The following ZNF710 variants were observed in gnomAD, a reference collection of about 807,000 sequenced individuals.
ZNF710 encodes the protein zinc finger protein 710.
A neutral mutation model predicts 50.6 loss-of-function variants in ZNF710; 13 were observed. The ratio of observed to expected loss-of-function variants is 0.26; its 90% CI spans 0.17 to 0.41. The LOEUF (loss-of-function observed/expected upper bound fraction) is 0.41, where lower values mean the gene tolerates loss of function less well. ZNF710 is among the 10% of genes least tolerant of loss of function. The pLI, the probability that ZNF710 is intolerant of heterozygous loss-of-function variation, is 1.00. For missense variants in ZNF710, 721 were observed against 936.6 expected, an observed-to-expected ratio of 0.77 and a Z score of 3.01; for synonymous variants, 383 against 397.0, an observed-to-expected ratio of 0.96 and a Z score of 0.42.
Position 90,079,869 on chromosome 15 carries a change from G to T in ZNF710, c.*40G>T, listed in dbSNP as rs1445131264. Reference sequence around the variant, plus strand: ...CCCCTAACGGGGGCCGGGGGCGAGGGCATGGGGGTGAGACCCATGGGCTGC... The same window carrying T: ...CCCCTAACGGGGGCCGGGGGCGAGGTCATGGGGGTGAGACCCATGGGCTGC... On this transcript the variant is annotated 3_prime_UTR_variant, in exon 5 of 5. Coordinates refer to ENST00000268154, the MANE Select transcript of ZNF710 (RefSeq NM_198526.4). 1.3e-6 allele frequency: 2 copies of T among 1,552,080 alleles called. No individual in the cohort carries two copies. The highest frequency in any genetic ancestry group is 2.5e-5 in the South Asian group (2 of 81,244).
chr15:90,076,696 G>C (rs1325114961), intron 4 of ZNF710: 1 of 148,936 alleles, frequency 6.7e-6, no homozygotes, highest in Non-Finnish European at 1.5e-5. Context: ...AGCCGAGATT[G>C]TGTCACTGCA....
At position 90,071,261 on chromosome 15, in the gene ZNF710, T is replaced by TA. The variant is rs5814409; in HGVS notation, c.1459-1794dup. On this transcript the variant is annotated intron_variant, in intron 2 of 4. Coordinates refer to ENST00000268154, the MANE Select transcript of ZNF710 (RefSeq NM_198526.4). ...GGGCAACAAAAGCAAGACTCTGTCT[T>TA]AAAAAAAAAAAAAAAATCCCAAGTC... Among the ~76,000 whole-genome samples, 147 of 142,234 alleles carry TA rather than the reference T, an allele frequency of 1.0e-3. 1 individual carries two copies. Among genetic ancestry groups the TA allele is most frequent in the South Asian group, 4.7e-3 (21 of 4,478 alleles). The allele number at this position is 142,234 out of a possible 152,430, so 93.3% of individuals were successfully genotyped here.
intron 1 of ZNF710, among the ~76,000 whole-genome samples, chr15:90,066,474 A>ATTT (rs71461840): frequency 0.18 from 21,619 of 120,166 alleles, 2,237 homozygotes; most frequent in East Asian, 0.4. Flanking sequence ...ATTTTTAAGG[A>ATTT]TTTTTTTTTT....
chr15:90,030,309 A>G (rs1258784886), intron 1 of ZNF710, among the ~76,000 whole-genome samples: 1 of 140,986 alleles, frequency 7.1e-6, no homozygotes, highest in Non-Finnish European at 1.5e-5. Context: ...GGCCTGGGCA[A>G]CAAGAGCAAA....
At chr15:90,072,615 G>C (rs1900427492) in intron 2 of ZNF710, among the ~76,000 whole-genome samples, 2 of 152,094 alleles carry the variant, frequency 1.3e-5, no homozygotes, top group African/African-American at 4.8e-5. Flanking sequence ...ACGTGTCCTT[G>C]ATCTGATGAA....
intron 1 of ZNF710, among the ~76,000 whole-genome samples, chr15:90,020,224 T>C (rs1266240721): frequency 6.6e-6 from 1 of 152,228 alleles, no homozygotes; most frequent in African/African-American, 2.4e-5. Flanking sequence ...GCATTCTTCA[T>C]GGGGCCTCTG....
Position 90,034,948 on chromosome 15 carries a change from C to T in ZNF710, c.-28-32162C>T, listed in dbSNP as rs995730185. Reference sequence around the variant, plus strand: ...GAGAAAGAGGCTTGATGGCCGGAGCCCCAGGGCTTCCCTGCTGGTAGAAGG... The same window carrying T: ...GAGAAAGAGGCTTGATGGCCGGAGCTCCAGGGCTTCCCTGCTGGTAGAAGG... On this transcript the variant is annotated intron_variant, in intron 1 of 4. Coordinates refer to ENST00000268154, the MANE Select transcript of ZNF710 (RefSeq NM_198526.4). This position sits in a 1 kb window ranked among gnomAD's most constrained non-coding sequence, Gnocchi z 4.0. Among the ~76,000 whole-genome samples the T allele has an allele frequency of 6.6e-6, 1 of 152,186 alleles. No individual in the cohort carries two copies. Among genetic ancestry groups the T allele is most frequent in the Admixed American group, 6.5e-5 (1 of 15,272 alleles).
chr15:90,055,158 ATT>A (rs779881962), intron 1 of ZNF710, among the ~76,000 whole-genome samples: 3 of 152,210 alleles, frequency 2.0e-5, no homozygotes, highest in Non-Finnish European at 4.4e-5. Context: ...TTAACAAATC[ATT>A]TAAAGTTACA....
Position 90,074,285 on chromosome 15 carries a change from G to A in ZNF710, c.1820G>A (p.Ser607Asn). ...GGCGTCATGGACATCGGCCTGGACA[G>A]CCAAGGTGGGTGGGCCAAGCGCAAT... is the stretch of plus-strand genomic sequence containing the variant. Reference protein sequence around the residue: ...KHGVMDIGLDSQDPMMELTGT... With the variant: ...KHGVMDIGLDNQDPMMELTGT... The change falls in exon 4 of 5, where the codon AGC becomes AAC. Residue 607 changes from serine (S) to asparagine (N), a missense_variant. Coordinates refer to ENST00000268154, the MANE Select transcript of ZNF710 (RefSeq NM_198526.4). The A allele has an allele frequency of 6.2e-7, 1 of 1,613,020 alleles. No individual in the cohort carries two copies. Among genetic ancestry groups the A allele is most frequent in the Non-Finnish European group, 8.5e-7 (1 of 1,180,010 alleles).
chr15:90,069,372 C>T (rs1196948160), intron 2 of ZNF710, among the ~76,000 whole-genome samples: 1 of 151,764 alleles, frequency 6.6e-6, no homozygotes. Flanking sequence ...CACGATACTG[C>T]ACTTCAGCCT....
chr15:90,082,026 G>A lies in ZNF710; in HGVS notation c.*2197G>A, dbSNP rs1336579819. On this transcript the variant is annotated 3_prime_UTR_variant, in exon 5 of 5. Transcript: ENST00000268154. ...TCTCAAAAGAGGTGCACAGCCTCTC[G>A]GGTGACTTGGAAACTCCTGGACAAA... 2.0e-5 allele frequency: 3 copies of A among 152,172 alleles called. No individual in the cohort carries two copies. Among genetic ancestry groups the A allele is most frequent in the Non-Finnish European group, 2.9e-5 (2 of 68,044 alleles). The allele number at this position is 152,172 out of a possible 1,614,324, so 9.4% of individuals were successfully genotyped here. A position where few individuals can be genotyped will look rare whatever the true frequency, so the allele number is the denominator to read the frequency against.
Position 90,067,020 on chromosome 15 carries a change from A to G in ZNF710, c.-28-90A>G. 1 of 1,429,194 alleles carries G rather than the reference A, an allele frequency of 7.0e-7. No individual in the cohort carries two copies. Among genetic ancestry groups the G allele is most frequent in the Non-Finnish European group, 9.2e-7 (1 of 1,081,146 alleles). 88.5% of individuals were successfully genotyped at this position (1,429,194 alleles called of 1,614,324 possible). On this transcript the variant is annotated intron_variant, in intron 1 of 4. Coordinates refer to ENST00000268154, the MANE Select transcript of ZNF710 (RefSeq NM_198526.4). This position sits in a 1 kb window ranked among gnomAD's most constrained non-coding sequence, Gnocchi z 8.1. ...AAGACATCAGAGCCAGACACACCCA[A>G]AATCAGCCAAGCCCTTGTCTGTGCT...
intron 1 of ZNF710, among the ~76,000 whole-genome samples, chr15:90,064,934 C>T (rs917210722): frequency 3.3e-5 from 5 of 152,174 alleles, no homozygotes; most frequent in Admixed American, 6.5e-5. Context: ...ACTGGCATGA[C>T]TTTGCTTAGT....
rs1284572289 is a variant in ZNF710, at chr15:90,062,138, T to C, written c.-28-4972T>C. 7.8e-6 allele frequency among the ~76,000 whole-genome samples: 1 copy of C among 128,928 alleles called. No homozygotes were observed. The highest frequency in any genetic ancestry group is 1.6e-5 in the Non-Finnish European group (1 of 61,896). 84.6% of individuals were successfully genotyped at this position (128,928 alleles called of 152,430 possible). On this transcript the variant is annotated intron_variant, in intron 1 of 4. Coordinates refer to ENST00000268154, the MANE Select transcript of ZNF710 (RefSeq NM_198526.4). The surrounding 1 kb of genome is among the most constrained non-coding windows in gnomAD (Gnocchi z 5.6). Reference sequence around the variant, plus strand: ...CCTTTGTTTCTTGGCCTCCACAGCCTCATTCTCTCTCCCTCCCCCTCACTC... The same window carrying C: ...CCTTTGTTTCTTGGCCTCCACAGCCCCATTCTCTCTCCCTCCCCCTCACTC...
Position 90,012,517 on chromosome 15 carries a change from G to A in ZNF710, c.-29+10903G>A, listed in dbSNP as rs564431311. On this transcript the variant is annotated intron_variant, in intron 1 of 4. Transcript: ENST00000268154. ...GATCCCCTGACCTTGTGATCCACCC[G>A]CCTCGGCCTCCCAAAGTGCTGGGAT... Among the ~76,000 whole-genome samples the A allele has an allele frequency of 1.4e-4, 22 of 151,964 alleles. No individual in the cohort carries two copies. In the East Asian group the frequency reaches 2.5e-3, roughly 17 times the overall value.
intron 2 of ZNF710, among the ~76,000 whole-genome samples, chr15:90,071,682 T>A (rs1354204173): frequency 6.8e-6 from 1 of 147,332 alleles, no homozygotes; most frequent in Non-Finnish European, 1.5e-5. Context: ...TTTTACTCTT[T>A]TTTTTTTTTT....
At chr15:90,071,578 A>C (rs1011927021) in intron 2 of ZNF710, among the ~76,000 whole-genome samples, 2 of 152,156 alleles carry the variant, frequency 1.3e-5, no homozygotes, top group Admixed American at 6.5e-5. Flanking sequence ...AGCTGTGACC[A>C]CAGACACATG....
At chr15:90,027,303 T>C (rs12905184) in intron 1 of ZNF710, among the ~76,000 whole-genome samples, 97,340 of 151,716 alleles carry the variant, frequency 0.64, 33,205 homozygotes, top group African/African-American at 0.85. Context: ...GTCCAACTCC[T>C]GGGTTCAAGC....
chr15:90,031,717 C>A (rs1165960425), intron 1 of ZNF710, among the ~76,000 whole-genome samples: 1 of 152,184 alleles, frequency 6.6e-6, no homozygotes, highest in Non-Finnish European at 1.5e-5. Context: ...TCATCTCTCA[C>A]TCTCTGCTGG....
Sources: allele counts gnomAD v4.1 joint callset (sites outside exome capture counted in the v4.1 genomes callset), GRCh38; gene constraint gnomAD v4.1.1; non-coding constraint Gnocchi (gnomAD v3.1); transcripts MANE v1.5; gene names NCBI Gene and HGNC (gene_info 2026-07-23, HGNC 2026-07-21).